FAAH2: variants seen among roughly 807,000 people sequenced by gnomAD.
FAAH2 encodes the protein fatty-acid amide hydrolase 2.
A neutral mutation model predicts 36.9 loss-of-function variants in FAAH2; 60 were observed. The ratio of observed to expected loss-of-function variants is 1.63; its 90% CI spans 1.32 to 2.02. The LOEUF (loss-of-function observed/expected upper bound fraction) is 2.02, where lower values mean the gene tolerates loss of function less well. FAAH2 is among the 30% of genes most tolerant of loss of function. FAAH2 has a pLI of 0.00. For synonymous variants in FAAH2, 214 were observed against 143.8 expected (o/e 1.49, Z -3.49); for missense variants, 689 against 397.5 (o/e 1.73, Z -6.23).
At chrX:57,378,219 C>T (rs1286341100) in intron 5 of FAAH2, among the ~76,000 whole-genome samples, 1 of 112,004 alleles carries the variant, frequency 8.9e-6, no homozygotes, top group Admixed American at 9.5e-5. Flanking sequence ...TTTGTTATGG[C>T]TTCTGTTTAG....
At chrX:57,189,480 T>G in the FAAH2 span, among the ~76,000 whole-genome samples, 1 of 109,732 alleles carries the variant, frequency 9.1e-6, no homozygotes, top group Admixed American at 9.8e-5. Flanking sequence ...GTTCCTGGAA[T>G]TTTCAGCATT....
At chrX:57,374,764 A>T (rs751451105) in intron 5 of FAAH2, among the ~76,000 whole-genome samples, 96 of 110,914 alleles carry the variant, frequency 8.7e-4, no homozygotes, top group African/African-American at 3.1e-3. Flanking sequence ...AGGTGGTGAG[A>T]GTGGGCATCC....
intron 7 of FAAH2, among the ~76,000 whole-genome samples, chrX:57,415,735 T>A: frequency 9.0e-6 from 1 of 111,499 alleles, no homozygotes; most frequent in Non-Finnish European, 1.9e-5. Flanking sequence ...TAGATGTCTG[T>A]TAGGTTCACT....
chrX:57,373,421 T>A (rs12834804), intron 5 of FAAH2, among the ~76,000 whole-genome samples: 2 of 110,429 alleles, frequency 1.8e-5, no homozygotes, highest in East Asian at 5.7e-4. Context: ...TGGCCATTCT[T>A]GCAGGAGTAA....
chrX:57,193,517 C>A, the FAAH2 span, among the ~76,000 whole-genome samples: 24 of 111,750 alleles, frequency 2.1e-4, no homozygotes, highest in South Asian at 9.0e-3. Context: ...TATTTGTACA[C>A]TCCCTCCCCT....
At chrX:57,252,740 A>G in the FAAH2 span, among the ~76,000 whole-genome samples, 1 of 112,454 alleles carries the variant, frequency 8.9e-6, no homozygotes, top group Non-Finnish European at 1.9e-5. Context: ...GGACGTCTAC[A>G]CCAAAACCCC....
intron 4 of FAAH2, among the ~76,000 whole-genome samples, chrX:57,333,219 A>G (rs1249993123): frequency 9.0e-6 from 1 of 111,716 alleles, no homozygotes; most frequent in Non-Finnish European, 1.9e-5. Flanking sequence ...AAACAATGGC[A>G]CTAGTTGAAA....
chrX:57,438,952 T>C (rs1264409510), intron 8 of FAAH2, among the ~76,000 whole-genome samples: 1 of 110,815 alleles, frequency 9.0e-6, no homozygotes, highest in Non-Finnish European at 1.9e-5. Flanking sequence ...TATGGCTGCA[T>C]AGTATTCCAT....
intron 8 of FAAH2, among the ~76,000 whole-genome samples, chrX:57,432,663 A>C (rs1208900257): frequency 3.6e-5 from 4 of 111,355 alleles, no homozygotes; most frequent in Non-Finnish European, 5.7e-5. Flanking sequence ...TAATATGAAC[A>C]CTTTGAGAAC....
chrX:57,191,465 C>T, the FAAH2 span, among the ~76,000 whole-genome samples: 77 of 110,357 alleles, frequency 7.0e-4, no homozygotes, highest in Middle Eastern at 4.7e-3. Flanking sequence ...TATTTTTTTT[C>T]GCTGCTGTGC....
At chrX:57,172,326 G>A in the FAAH2 span, among the ~76,000 whole-genome samples, 1 of 111,403 alleles carries the variant, frequency 9.0e-6, no homozygotes, top group Non-Finnish European at 1.9e-5. Context: ...CCCTCACAGG[G>A]TGTGAGACGT....
the FAAH2 span, among the ~76,000 whole-genome samples, chrX:57,234,865 CTG>C: frequency 9.0e-6 from 1 of 111,689 alleles, no homozygotes; most frequent in Non-Finnish European, 1.9e-5. Context: ...TGGCAAAACT[CTG>C]TCTCTACTCA....
At chrX:57,160,414 G>A in the FAAH2 span, among the ~76,000 whole-genome samples, 1 of 111,928 alleles carries the variant, frequency 8.9e-6, no homozygotes, top group Non-Finnish European at 1.9e-5. Context: ...CAAAAGGAAT[G>A]GTATCAGCTC....
chrX:57,301,431 G>C (rs1439757063), intron 2 of FAAH2, among the ~76,000 whole-genome samples: 1 of 91,135 alleles, frequency 1.1e-5, no homozygotes, highest in Non-Finnish European at 2.1e-5. Flanking sequence ...ATGGACACAG[G>C]AAGGGGAACA....
intron 5 of FAAH2, among the ~76,000 whole-genome samples, chrX:57,351,859 G>A (rs940344940): frequency 1.9e-5 from 2 of 103,921 alleles, no homozygotes; most frequent in African/African-American, 3.5e-5. Context: ...AGCCAAGAAT[G>A]GATTATTCAC....
chrX:57,349,555 A>G (rs892774448), intron 5 of FAAH2, among the ~76,000 whole-genome samples: 1 of 104,801 alleles, frequency 9.5e-6, no homozygotes, highest in Non-Finnish European at 1.9e-5. Flanking sequence ...TGTTTTATAT[A>G]TATATATCTA....
intron 7 of FAAH2, chrX:57,393,382 G>T (rs948121763): frequency 1.4e-6 from 1 of 728,467 alleles, no homozygotes; most frequent in Admixed American, 2.2e-5. Context: ...GGTGGAGACC[G>T]GAATACTGGG....
At chrX:57,273,639 A>G in the FAAH2 span, among the ~76,000 whole-genome samples, 2 of 111,906 alleles carry the variant, frequency 1.8e-5, no homozygotes, top group Non-Finnish European at 3.8e-5. Context: ...ATGGAAACTG[A>G]ACAACCTGCT....
chrX:57,393,416 A>G (rs2055214670), intron 7 of FAAH2: 5 of 780,004 alleles, frequency 6.4e-6, no homozygotes, highest in Non-Finnish European at 9.9e-6. Context: ...AAACTTTTCT[A>G]TTCCAATGTC....
Sources: gnomAD v4.1 joint callset for allele counts (sites outside exome capture counted in the v4.1 genomes callset) on GRCh38, gnomAD v4.1.1 for gene constraint, MANE v1.5 for transcripts, NCBI Gene and HGNC (gene_info 2026-07-23, HGNC 2026-07-21) for gene names.